Variants in OXCT1 observed in about 807,000 individuals in gnomAD.
OXCT1 encodes succinyl-CoA:3-ketoacid coenzyme A transferase 1, mitochondrial.
OXCT1 carries 27 observed loss-of-function variants against 69.6 expected under a neutral mutation model. The ratio of observed to expected loss-of-function variants is 0.39; its 90% CI spans 0.29 to 0.54. OXCT1 has a LOEUF of 0.54. Among genes scored for constraint, OXCT1 ranks in the 20% least tolerant of loss-of-function variants. OXCT1 has a pLI of 0.72. For missense variants in OXCT1, 437 were observed against 650.2 expected (o/e 0.67, Z 3.57); for synonymous variants, 202 against 217.8 (o/e 0.93, Z 0.64).
chr5:41,777,666 T>A (rs1418060448), intron 13 of OXCT1, among the ~76,000 whole-genome samples: 1 of 152,218 alleles, frequency 6.6e-6, no homozygotes, highest in African/African-American at 2.4e-5. Flanking sequence ...CCTAGAGATG[T>A]CCTATGTACA....
At chr5:41,747,274 G>A (rs1413631429) in intron 15 of OXCT1, among the ~76,000 whole-genome samples, 1 of 152,058 alleles carries the variant, frequency 6.6e-6, no homozygotes, top group East Asian at 1.9e-4. Flanking sequence ...TATAGGACAA[G>A]CCATGTTTTC....
At chr5:41,792,020 G>C (rs904566663) in intron 13 of OXCT1, among the ~76,000 whole-genome samples, 2 of 152,092 alleles carry the variant, frequency 1.3e-5, no homozygotes, top group Non-Finnish European at 2.9e-5. Flanking sequence ...AGCCAGGATG[G>C]TCTCAATCTC....
In OXCT1 at chr5:41,845,775, C is replaced by T. The variant is rs532089038; in HGVS notation, c.565-2994G>A. 1.3e-3 allele frequency among the ~76,000 whole-genome samples: 193 copies of T among 152,230 alleles called. 6 individuals carry two copies. The South Asian group carries it at 0.04, about 31-fold the overall frequency. ...GTATTTATCCCAAGTTTTCCGGGAA[C>T]TTTATGAGATACTACTACAGTTCAT... On this transcript the variant is annotated intron_variant, in intron 5 of 16. Coordinates refer to ENST00000196371, the MANE Select transcript of OXCT1 (RefSeq NM_000436.4).
At chr5:41,742,812 C>A (rs1366392644) in intron 15 of OXCT1, among the ~76,000 whole-genome samples, 1 of 152,164 alleles carries the variant, frequency 6.6e-6, no homozygotes, top group Non-Finnish European at 1.5e-5. Context: ...ATGAACTCAT[C>A]CTTTTTTATG....
intron 14 of OXCT1, among the ~76,000 whole-genome samples, chr5:41,751,256 C>T (rs1244201666): frequency 6.6e-6 from 1 of 152,098 alleles, no homozygotes; most frequent in Non-Finnish European, 1.5e-5. Flanking sequence ...AACTATCTGC[C>T]AGCCACTGAA....
intron 13 of OXCT1, among the ~76,000 whole-genome samples, chr5:41,786,625 G>C (rs1470378833): frequency 2.0e-5 from 3 of 152,182 alleles, no homozygotes; most frequent in African/African-American, 7.2e-5. Flanking sequence ...TATTTTCCTA[G>C]AGTGAGCTGA....
At chr5:41,856,386 C>T (rs756496555) in intron 3 of OXCT1, among the ~76,000 whole-genome samples, 3 of 152,108 alleles carry the variant, frequency 2.0e-5, no homozygotes, top group Non-Finnish European at 4.4e-5. Context: ...ACTAGTGACG[C>T]CTACTTACTT....
At chr5:41,823,116 T>C (rs960715032) in intron 7 of OXCT1, among the ~76,000 whole-genome samples, 6 of 152,224 alleles carry the variant, frequency 3.9e-5, no homozygotes, top group African/African-American at 1.4e-4. Context: ...TTAATCCAAG[T>C]ACTCTTTCAA....
chr5:41,763,953 T>C (rs1251049539), intron 13 of OXCT1, among the ~76,000 whole-genome samples: 1 of 152,132 alleles, frequency 6.6e-6, no homozygotes, highest in Non-Finnish European at 1.5e-5. Flanking sequence ...TTTAGAAATA[T>C]GTATAGAGGC....
chr5:41,776,944 G>A (rs189372082), intron 13 of OXCT1, among the ~76,000 whole-genome samples: 52 of 152,300 alleles, frequency 3.4e-4, no homozygotes, highest in African/African-American at 1.1e-3. Flanking sequence ...GAGAAAATTG[G>A]AAATACAGAC....
intron 7 of OXCT1, among the ~76,000 whole-genome samples, chr5:41,827,958 C>T (rs1418212975): frequency 6.6e-6 from 1 of 152,182 alleles, no homozygotes; most frequent in Non-Finnish European, 1.5e-5. Context: ...AAGAACACAG[C>T]ATGACTTCAA....
intron 5 of OXCT1, among the ~76,000 whole-genome samples, chr5:41,845,163 C>T (rs1748835825): frequency 6.6e-6 from 1 of 152,146 alleles, no homozygotes; most frequent in African/African-American, 2.4e-5. Flanking sequence ...CCCTCCTGTT[C>T]CCCAAACACG....
intron 3 of OXCT1, among the ~76,000 whole-genome samples, chr5:41,859,891 T>TATATGTTATATATATATATATGTA (rs1749652381): frequency 1.8e-5 from 2 of 114,214 alleles, no homozygotes; most frequent in Admixed American, 9.3e-5. Context: ...ATATATGTAA[T>TATATGTTATATATATATATATGTA]ATATATATAT....
At chr5:41,733,536 C>T (rs968617941) in intron 16 of OXCT1, among the ~76,000 whole-genome samples, 1 of 152,156 alleles carries the variant, frequency 6.6e-6, no homozygotes, top group East Asian at 1.9e-4. Context: ...CGTAAGCCAC[C>T]GTGCCTGGCC....
chr5:41,798,497 A>G (rs182313310), intron 11 of OXCT1, among the ~76,000 whole-genome samples: 4 of 152,254 alleles, frequency 2.6e-5, no homozygotes, highest in Admixed American at 2.6e-4. Context: ...CAGGTGTGAC[A>G]ATCAAAAATG....
chr5:41,746,273 G>A (rs1214415100), intron 15 of OXCT1, among the ~76,000 whole-genome samples: 1 of 152,038 alleles, frequency 6.6e-6, no homozygotes, highest in Non-Finnish European at 1.5e-5. Flanking sequence ...ATGTAATCCA[G>A]CATATAAACA....
chr5:41,850,674 G>GA (rs372432267), intron 4 of OXCT1, among the ~76,000 whole-genome samples: 2 of 151,476 alleles, frequency 1.3e-5, no homozygotes, highest in Admixed American at 6.6e-5. Context: ...AATCGTCTAA[G>GA]AAAAAAAACA....
At chr5:41,749,262 T>G (rs1251557255) in intron 15 of OXCT1, among the ~76,000 whole-genome samples, 1 of 152,072 alleles carries the variant, frequency 6.6e-6, no homozygotes, top group Non-Finnish European at 1.5e-5. Flanking sequence ...AGTCAAAATA[T>G]AAAGATCAAT....
chr5:41,736,095 T>A (rs1050177929), intron 16 of OXCT1, among the ~76,000 whole-genome samples: 12 of 152,160 alleles, frequency 7.9e-5, no homozygotes, highest in Non-Finnish European at 1.6e-4. Flanking sequence ...TCAGCTCCTT[T>A]CTCTCAAGGG....
Sources: allele counts gnomAD v4.1 joint callset (sites outside exome capture counted in the v4.1 genomes callset), GRCh38; gene constraint gnomAD v4.1.1; transcripts MANE v1.5; gene names NCBI Gene and HGNC (gene_info 2026-07-23, HGNC 2026-07-21).